MRPL11: variants seen among roughly 807,000 people sequenced by gnomAD.
MRPL11 encodes mitochondrial ribosomal protein L11.
A neutral mutation model predicts 19.1 loss-of-function variants in MRPL11; 21 were observed. That is an observed-to-expected ratio of 1.10 (90% CI 0.78 to 1.58). The LOEUF is 1.58. Among genes scored for constraint, MRPL11 ranks in the 40% most tolerant of loss-of-function variants. The pLI is 0.00. For synonymous variants in MRPL11, 108 were observed against 99.7 expected (o/e 1.08, Z -0.49); for missense variants, 242 against 243.9 (o/e 0.99, Z 0.05).
rs1035060276 is a variant in MRPL11, at chr11:66,435,678, G to GA, written c.*328dup. ...TAAAACAAAATTATAACTTAAAAAA[G>GA]AAAAAAAAGGACCTGGGCAAGTTAC... On this transcript the variant is annotated 3_prime_UTR_variant, in exon 5 of 5. Coordinates refer to ENST00000310999, the MANE Select transcript of MRPL11 (RefSeq NM_016050.5). The GA allele has an allele frequency of 6.5e-5, 13 of 199,628 alleles. No individual in the cohort carries two copies. Among genetic ancestry groups the GA allele is most frequent in the Non-Finnish European group, 8.2e-5 (8 of 97,870 alleles). The allele number at this position is 199,628 out of a possible 1,614,324, so 12.4% of individuals were successfully genotyped here.
rs1436027492 is a variant in MRPL11 at position 66,437,203 on chromosome 11, G to A, written c.374C>T (p.Ala125Val). ...KHVYEIARIK[A>V]QDEAFALQDV... is the part of the protein sequence containing the mutation. ...CTGCAGGGCAAATGCCTCATCCTGA[G>A]CTTTGATGCGGGCAATCTCATACAC... Residue 125 changes from alanine to valine, a missense_variant, in exon 4 of 5, where the codon GCT (alanine) becomes GTT (valine). Coordinates refer to ENST00000310999, the MANE Select transcript of MRPL11 (RefSeq NM_016050.5). 9 of 1,614,138 alleles carry A rather than the reference G, an allele frequency of 5.6e-6. No homozygotes were observed. The highest frequency in any genetic ancestry group is 7.6e-6 in the Non-Finnish European group (9 of 1,180,056).
intron 4 of MRPL11, 127 bp from the exon 5 acceptor site, chr11:66,436,239 C>T: frequency 5.9e-6 from 4 of 683,468 alleles, no homozygotes; most frequent in Non-Finnish European, 7.6e-6. Context: ...GCCCCTTCTG[C>T]CTCCCTGACT....
intron 2 of MRPL11, 85 bp downstream of exon 2, chr11:66,438,079 C>T: frequency 1.1e-6 from 1 of 950,670 alleles, no homozygotes; most frequent in Non-Finnish European, 1.7e-6. Context: ...AAGTCAGGAG[C>T]AGAGAAACAA....
Position 66,438,785 on chromosome 11 carries a change from A to C in MRPL11, c.-31T>G. 1.3e-6 allele frequency: 2 copies of C among 1,484,768 alleles called. No individual in the cohort carries two copies. The highest frequency in any genetic ancestry group is 1.3e-5 in the South Asian group (1 of 75,712). The allele number at this position is 1,484,768 out of a possible 1,614,324, so 92.0% of individuals were successfully genotyped here. ...GGGGCTGCTGGCTTCAGTTCACCTC[A>C]GGGGAGCAGCAAGAGCGAAGCTCTG... On this transcript the variant is annotated 5_prime_UTR_variant, in exon 1 of 5. The change abolishes the stop of an existing upstream ORF in the 5' untranslated region. Transcript: ENST00000310999.
At chr11:66,438,104 T>G in intron 2 of MRPL11, 60 bp downstream of exon 2, 1 of 1,262,544 alleles carries the variant, frequency 7.9e-7, no homozygotes, top group Non-Finnish European at 1.2e-6. Flanking sequence ...AGATGACCAG[T>G]CCCAGGGCCG....
At chr11:66,437,622 C>T (rs1331282597) in intron 2 of MRPL11, among the ~76,000 whole-genome samples, 179 bp from the exon 3 acceptor site, 2 of 152,170 alleles carry the variant, frequency 1.3e-5, no homozygotes, top group African/African-American at 4.8e-5. Flanking sequence ...CCTATAATCC[C>T]AGCACTTTGG....
chr11:66,436,359 T>A (rs1399933328), intron 4 of MRPL11, among the ~76,000 whole-genome samples: 3 of 152,136 alleles, frequency 2.0e-5, no homozygotes, highest in South Asian at 4.1e-4. Flanking sequence ...CTTTGAGGCA[T>A]CAGCCAGGCC....
In MRPL11 at chr11:66,437,431, A is replaced by C. The variant is rs769481942; in HGVS notation, c.232T>G (p.Phe78Val). Residue 78 changes from phenylalanine (F) to valine (V), a missense_variant, in exon 3 of 5, where the codon TTT becomes GTT. Transcript: ENST00000310999. ...TKILVKPDRT[F>V]EIKIGQPTVS... is the part of the protein sequence containing the mutation. Reference sequence around the variant, plus strand: ...GTGGGCTGTCCAATCTTAATTTCAAATGTCCTGTCAGGCTTAACAGAAAAA... The same window carrying C: ...GTGGGCTGTCCAATCTTAATTTCAACTGTCCTGTCAGGCTTAACAGAAAAA... The C allele has an allele frequency of 5.0e-6, 8 of 1,613,998 alleles. No homozygotes were observed. In the East Asian group the frequency reaches 1.8e-4, roughly 36 times the overall value.
At chr11:66,437,474 T>C (rs762286898) in intron 2 of MRPL11, 31 bp from the exon 3 acceptor site, 4 of 1,599,594 alleles carry the variant, frequency 2.5e-6, no homozygotes, top group Non-Finnish European at 2.6e-6. Context: ...TGAGATTCTC[T>C]CTTCCTACTG....
chr11:66,438,073 C>T, intron 2 of MRPL11, 91 bp downstream of exon 2: 1 of 902,668 alleles, frequency 1.1e-6, no homozygotes, highest in Non-Finnish European at 1.8e-6. Context: ...GAAGTCAAGT[C>T]AGGAGCAGAG....
chr11:66,436,974 C>A, intron 4 of MRPL11, 130 bp downstream of exon 4: 3 of 1,553,654 alleles, frequency 1.9e-6, no homozygotes, highest in Non-Finnish European at 2.7e-6. Context: ...CCACCCCCAC[C>A]CCATCCTCTA....
At position 66,435,171 on chromosome 11, in the gene MRPL11, C is replaced by T. The variant is rs1590701062; in HGVS notation, c.*836G>A. The T allele has an allele frequency of 6.6e-6, 1 of 152,330 alleles. No homozygotes were observed. Among genetic ancestry groups the T allele is most frequent in the South Asian group, 2.1e-4 (1 of 4,830 alleles). 9.4% of individuals were successfully genotyped at this position (152,330 alleles called of 1,614,324 possible). A position where few individuals can be genotyped will look rare whatever the true frequency, so the allele number is the denominator to read the frequency against. ...GTAAAATGAAGTGTCTAGCACATAA[C>T]AGATGGTCAGTAAATGCGAATCTCC... is the stretch of plus-strand genomic sequence containing the variant. On this transcript the variant is annotated 3_prime_UTR_variant, in exon 5 of 5. Coordinates refer to ENST00000310999, the MANE Select transcript of MRPL11 (RefSeq NM_016050.5).
In MRPL11 at chr11:66,437,172, T is replaced by C. The variant is rs747076801; in HGVS notation, c.405A>G (p.Val135=). The C allele has an allele frequency of 1.2e-6, 2 of 1,614,128 alleles. No individual in the cohort carries two copies. Among genetic ancestry groups the C allele is most frequent in the South Asian group, 2.2e-5 (2 of 91,088 alleles). The change falls in exon 4 of 5, where the codon GTA becomes GTG. Residue 135 remains valine (V), a synonymous_variant. Transcript: ENST00000310999. ...TGGAGCGGACAACAGACGACAGGGG[T>C]ACATCCTGCAGGGCAAATGCCTCAT... The part of the protein sequence containing the change: ...AQDEAFALQD[V]PLSSVVRSII...
chr11:66,437,607 T>C (rs1234985036), intron 2 of MRPL11, among the ~76,000 whole-genome samples, 164 bp from the exon 3 acceptor site: 1 of 152,214 alleles, frequency 6.6e-6, no homozygotes, highest in Non-Finnish European at 1.5e-5. Flanking sequence ...GCGCAGTGGT[T>C]CATGCCTATA....
At chr11:66,438,611 G>T (rs748631874) in intron 1 of MRPL11, 21 bp downstream of exon 1, 2 of 1,488,506 alleles carry the variant, frequency 1.3e-6, no homozygotes, top group East Asian at 2.4e-5. Flanking sequence ...CCCCCACGTC[G>T]GGTTCCCGCC....
At chr11:66,438,405 A>T in intron 1 of MRPL11, 146 bp from the exon 2 acceptor site, 1 of 873,294 alleles carries the variant, frequency 1.1e-6, no homozygotes. Context: ...GAGCCAGAAG[A>T]TCGTACGCAT....
chr11:66,436,971 C>A, intron 4 of MRPL11, 133 bp downstream of exon 4: 1 of 1,550,756 alleles, frequency 6.4e-7, no homozygotes, highest in South Asian at 1.1e-5. Context: ...CTCCCACCCC[C>A]ACCCCATCCT....
intron 2 of MRPL11, 36 bp downstream of exon 2, chr11:66,438,128 G>T: frequency 6.7e-7 from 1 of 1,483,716 alleles, no homozygotes; most frequent in South Asian, 1.1e-5. Context: ...AAGAACAGAG[G>T]GAGAAGGAAA....
intron 1 of MRPL11, 129 bp downstream of exon 1, chr11:66,438,503 A>C (rs1857033956): frequency 1.6e-6 from 2 of 1,279,238 alleles, no homozygotes; most frequent in African/African-American, 1.5e-5. Context: ...CAAGGACATA[A>C]AGCGTGTGAG....
Sources: allele counts gnomAD v4.1 joint callset (sites outside exome capture counted in the v4.1 genomes callset), GRCh38; gene constraint gnomAD v4.1.1; transcripts MANE v1.5; gene names NCBI Gene and HGNC (gene_info 2026-07-23, HGNC 2026-07-21).